NUFIP2: variants seen among roughly 807,000 people sequenced by gnomAD.
NUFIP2 encodes nuclear FMR1 interacting protein 2, also known as FMR1-interacting protein NUFIP2.
A neutral mutation model predicts 56.9 loss-of-function variants in NUFIP2; 6 were observed. The ratio of observed to expected loss-of-function variants is 0.11; its 90% CI spans 0.06 to 0.21. NUFIP2 has a LOEUF of 0.21. Among genes scored for constraint, NUFIP2 ranks in the 10% least tolerant of loss-of-function variants. The pLI is 1.00. For missense variants in NUFIP2, 828 were observed against 826.8 expected, an observed-to-expected ratio of 1.00 and a Z score of -0.02; for synonymous variants, 321 against 298.2, an observed-to-expected ratio of 1.08 and a Z score of -0.79.
rs2069178993 is a variant in NUFIP2, at chr17:29,286,851, TGAAGATGAA to T, written c.1134_1142del (p.Ser384_Ser386del). ...TTTCCCCGGTAGATGATGAAGATGA[TGAAGATGAA>T]GTTGGTGACACAGAAGAGTTCTGTA... On this transcript the variant is annotated inframe_deletion, in exon 2 of 4. Transcript: ENST00000225388. 1 of 1,613,930 alleles carries T rather than the reference TGAAGATGAA, an allele frequency of 6.2e-7. No homozygotes were observed. The highest frequency in any genetic ancestry group is 1.3e-5 in the African/African-American group (1 of 74,894).
Position 29,287,213 on chromosome 17 carries a change from AAGTTTC to A in NUFIP2, c.775_780del (p.Glu259_Thr260del). The A allele has an allele frequency of 6.2e-7, 1 of 1,614,162 alleles. No individual in the cohort carries two copies. The highest frequency in any genetic ancestry group is 1.1e-5 in the South Asian group (1 of 91,070). On this transcript the variant is annotated inframe_deletion, in exon 2 of 4. Coordinates refer to ENST00000225388, the MANE Select transcript of NUFIP2 (RefSeq NM_020772.3). ...TTTTGTTCACTATAGTCAGGCTTGA[AAGTTTC>A]AAGTCCCTGTTTTAAGGTTGGGACA... is the stretch of plus-strand genomic sequence containing the variant.
Position 29,257,098 on chromosome 17 carries a change from T to C in NUFIP2, c.*7441A>G, listed in dbSNP as rs898848789. 1.3e-5 allele frequency: 2 copies of C among 152,212 alleles called. No individual in the cohort carries two copies. Among genetic ancestry groups the C allele is most frequent in the Non-Finnish European group, 2.9e-5 (2 of 68,014 alleles). 9.4% of individuals were successfully genotyped at this position (152,212 alleles called of 1,614,324 possible). A position where few individuals can be genotyped will look rare whatever the true frequency, so the allele number is the denominator to read the frequency against. On this transcript the variant is annotated 3_prime_UTR_variant, in exon 4 of 4. Coordinates refer to ENST00000225388, the MANE Select transcript of NUFIP2 (RefSeq NM_020772.3). ...AATATTACTAAGGAAGAGCATCCAA[T>C]GATTTGTAAAGCTGATAAAACTGCC...
intron 3 of NUFIP2, 97 bp downstream of exon 3, chr17:29,267,401 C>A: frequency 2.9e-6 from 2 of 686,604 alleles, no homozygotes; most frequent in South Asian, 1.8e-5. Flanking sequence ...AATACAAAGT[C>A]TATTTGGTAA....
At chr17:29,291,568 G>A (rs2069213636) in intron 1 of NUFIP2, among the ~76,000 whole-genome samples, 1 of 152,138 alleles carries the variant, frequency 6.6e-6, no homozygotes, top group African/African-American at 2.4e-5. Context: ...CCCCTTCCAA[G>A]ACAAGAAATA....
chr17:29,293,120 G>C (rs2153013191), intron 1 of NUFIP2, among the ~76,000 whole-genome samples: 1 of 151,658 alleles, frequency 6.6e-6, no homozygotes, highest in East Asian at 2.0e-4. Flanking sequence ...GCTCTGGGGG[G>C]AGCGGGCGCG....
chr17:29,264,850 T>C (rs538951982), intron 3 of NUFIP2, among the ~76,000 whole-genome samples: 14 of 152,172 alleles, frequency 9.2e-5, no homozygotes, highest in Non-Finnish European at 1.0e-4. Flanking sequence ...TCAGAGATGG[T>C]TGAGTTCACT....
chr17:29,264,546 T>C lies in NUFIP2; in HGVS notation c.2081A>G (p.Asp694Gly), dbSNP rs1242027780. 6 of 1,608,152 alleles carry C rather than the reference T, an allele frequency of 3.7e-6. No homozygotes were observed. In the South Asian group the frequency reaches 5.5e-5, roughly 15 times the overall value. ...ITYNEAMDSP[D>G]Q ...AATAGGCAGTCTGGTCCTTCATTGA[T>C]CTGGACTATCCATGGCTTCATTGTA... is the stretch of plus-strand genomic sequence containing the variant. The change falls in exon 4 of 4, where the codon GAT becomes GGT. Residue 694 changes from aspartate to glycine, a missense_variant. Asp to Gly is a moderately conservative substitution (Grantham distance 94, BLOSUM62 -1). Transcript: ENST00000225388.
chr17:29,284,583 G>C (rs2069159990), intron 2 of NUFIP2, among the ~76,000 whole-genome samples: 1 of 151,498 alleles, frequency 6.6e-6, no homozygotes. Context: ...GTGGGCACCT[G>C]TAATCCCAGC....
intron 3 of NUFIP2, among the ~76,000 whole-genome samples, chr17:29,265,304 T>G (rs1035343921): frequency 7.7e-6 from 1 of 130,360 alleles, no homozygotes; most frequent in East Asian, 2.3e-4. Context: ...TATTTTATTT[T>G]ATTTTTTTTT....
chr17:29,276,996 A>G (rs2069111953), intron 2 of NUFIP2, among the ~76,000 whole-genome samples: 1 of 152,226 alleles, frequency 6.6e-6, no homozygotes, highest in African/African-American at 2.4e-5. Context: ...TTTGCATTTA[A>G]AAATGAATAA....
rs141162315 is a variant in NUFIP2 at position 29,269,005 on chromosome 17, G to A, written c.2003-1475C>T. Among the ~76,000 whole-genome samples the A allele has an allele frequency of 4.3e-4, 66 of 152,224 alleles. 1 individual carries two copies. The highest frequency in any genetic ancestry group is 2.3e-3 in the South Asian group (11 of 4,822). The stretch of plus-strand genomic sequence containing the variant: ...AATTATAGCGACATACACAGAGAAT[G>A]CAGTTAAAAACTCTACCTGTGATAC... On this transcript the variant is annotated intron_variant, in intron 2 of 3. Transcript: ENST00000225388.
chr17:29,280,344 T>C (rs138443765), intron 2 of NUFIP2, among the ~76,000 whole-genome samples: 34 of 152,338 alleles, frequency 2.2e-4, no homozygotes, highest in African/African-American at 7.5e-4. Context: ...TTCAAAGCTT[T>C]TAAAGTCAAG....
intron 1 of NUFIP2, 38 bp downstream of exon 1, chr17:29,293,745 C>T (rs750144002): frequency 2.3e-6 from 3 of 1,329,236 alleles, no homozygotes; most frequent in South Asian, 2.7e-5. Flanking sequence ...TGTCCTCCAC[C>T]CCCAACCCCC....
rs1485490842 is a variant in NUFIP2 at position 29,260,075 on chromosome 17, A to T, written c.*4464T>A. On this transcript the variant is annotated 3_prime_UTR_variant, in exon 4 of 4. Transcript: ENST00000225388. The stretch of plus-strand genomic sequence containing the variant: ...AATTACATTAGTAAAAATAACATCG[A>T]TATTAAGAACTAATGTTAAGCTATG... 6.6e-6 allele frequency: 1 copy of T among 152,224 alleles called. No individual in the cohort carries two copies. The highest frequency in any genetic ancestry group is 1.5e-5 in the Non-Finnish European group (1 of 68,046). The allele number at this position is 152,224 out of a possible 1,614,324, so 9.4% of individuals were successfully genotyped here. A position where few individuals can be genotyped will look rare whatever the true frequency, so the allele number is the denominator to read the frequency against.
chr17:29,285,684 G>C (rs2069169022), intron 2 of NUFIP2, among the ~76,000 whole-genome samples: 1 of 151,606 alleles, frequency 6.6e-6, no homozygotes. Context: ...CAAGCACTCA[G>C]TCAAGAGAAA....
At chr17:29,269,403 T>A (rs1426633745) in intron 2 of NUFIP2, among the ~76,000 whole-genome samples, 1 of 152,146 alleles carries the variant, frequency 6.6e-6, no homozygotes, top group Non-Finnish European at 1.5e-5. Context: ...AAAATTATTA[T>A]TTTCTGATTG....
rs539762285 is a variant in NUFIP2 at position 29,263,589 on chromosome 17, C to T, written c.*950G>A. 1.9e-4 allele frequency: 29 copies of T among 152,678 alleles called. No homozygotes were observed. In the South Asian group the frequency reaches 2.3e-3, roughly 12 times the overall value. The allele number at this position is 152,678 out of a possible 1,614,324, so 9.5% of individuals were successfully genotyped here. Reference sequence around the variant, plus strand: ...AATGTTTGATGAAAAACAAGGAAAACAGCACATTTAGTGTTAGTGACGGAG... The same window carrying T: ...AATGTTTGATGAAAAACAAGGAAAATAGCACATTTAGTGTTAGTGACGGAG... On this transcript the variant is annotated 3_prime_UTR_variant, in exon 4 of 4. Transcript: ENST00000225388.
intron 2 of NUFIP2, among the ~76,000 whole-genome samples, chr17:29,277,969 G>A (rs979145514): frequency 7.2e-5 from 11 of 152,014 alleles, no homozygotes; most frequent in Non-Finnish European, 1.6e-4. Flanking sequence ...CCGAGATCGC[G>A]CCACTGGACT....
At chr17:29,276,493 T>C (rs1485298534) in intron 2 of NUFIP2, among the ~76,000 whole-genome samples, 1 of 151,844 alleles carries the variant, frequency 6.6e-6, no homozygotes, top group East Asian at 1.9e-4. Flanking sequence ...CCACCATGCC[T>C]GGCTAATTTT....
Sources: gnomAD v4.1 joint callset for allele counts (sites outside exome capture counted in the v4.1 genomes callset) on GRCh38, gnomAD v4.1.1 for gene constraint, MANE v1.5 for transcripts, NCBI Gene and HGNC (gene_info 2026-07-23, HGNC 2026-07-21) for gene names.